SLC14A2: variants seen among roughly 807,000 people sequenced by gnomAD.
SLC14A2 encodes urea transporter 2.
A neutral mutation model predicts 104.6 loss-of-function variants in SLC14A2; 91 were observed. The ratio of observed to expected loss-of-function variants is 0.87; its 90% CI spans 0.73 to 1.04. SLC14A2 has a LOEUF of 1.04. Among genes scored for constraint, SLC14A2 ranks in the 50% least tolerant of loss-of-function variants. The pLI is 0.00. For synonymous variants in SLC14A2, 476 were observed against 466.4 expected (o/e 1.02, Z -0.27); for missense variants, 1,189 against 1,156.0 (o/e 1.03, Z -0.41).
In SLC14A2 at chr18:45,361,224, G is replaced by A. The variant is rs551487327; in HGVS notation, c.-124-122009G>A. Among the ~76,000 whole-genome samples, 21 of 152,246 alleles carry A rather than the reference G, an allele frequency of 1.4e-4. No homozygotes were observed. The South Asian group carries it at 1.9e-3, about 14-fold the overall frequency. On this transcript the variant is annotated intron_variant, in intron 1 of 20. Transcript: ENST00000586448. ...TGTGTGATTTTTATCCCTTATTTGC[G>A]TAATAAACCCTTAATAGAAGAGACT... is the stretch of plus-strand genomic sequence containing the variant.
chr18:45,653,502 G>T (rs949901424), intron 10 of SLC14A2, among the ~76,000 whole-genome samples: 4 of 152,092 alleles, frequency 2.6e-5, no homozygotes, highest in African/African-American at 9.7e-5. Context: ...AAAGCTTGGG[G>T]GTTGATGCAT....
At chr18:45,530,765 T>C (rs1297962500) in intron 2 of SLC14A2, among the ~76,000 whole-genome samples, 2 of 152,162 alleles carry the variant, frequency 1.3e-5, no homozygotes, top group Non-Finnish European at 1.5e-5. Context: ...TTGTTACATA[T>C]GTATACATGT....
At chr18:45,206,988 T>C in the SLC14A2 span, among the ~76,000 whole-genome samples, 2 of 152,216 alleles carry the variant, frequency 1.3e-5, no homozygotes, top group Non-Finnish European at 2.9e-5. Flanking sequence ...GGACATGGAA[T>C]GCCTGGGAAT....
chr18:45,645,991 G>A, intron 10 of SLC14A2, among the ~76,000 whole-genome samples: 1 of 152,156 alleles, frequency 6.6e-6, no homozygotes, highest in Non-Finnish European at 1.5e-5. Context: ...AAGACCCTCA[G>A]GAAATGGAGG....
chr18:45,479,855 A>C (rs796780364), intron 1 of SLC14A2, among the ~76,000 whole-genome samples: 6 of 152,256 alleles, frequency 3.9e-5, no homozygotes, highest in African/African-American at 1.4e-4. Flanking sequence ...AAAGGTCTGG[A>C]CTCTGTCCGG....
chr18:45,553,410 G>C (rs1009102901), intron 2 of SLC14A2, among the ~76,000 whole-genome samples: 1 of 152,154 alleles, frequency 6.6e-6, no homozygotes, highest in African/African-American at 2.4e-5. Context: ...GCTAGAAGGG[G>C]CTTAATCAGC....
chr18:45,212,899 T>A (rs2083973579), upstream of SLC14A2: 1 of 152,340 alleles, frequency 6.6e-6, no homozygotes, highest in Non-Finnish European at 1.5e-5. Flanking sequence ...ACGTATGCCA[T>A]AGATGTGTCC....
At chr18:45,588,083 T>C (rs2044594448) in intron 2 of SLC14A2, among the ~76,000 whole-genome samples, 1 of 152,056 alleles carries the variant, frequency 6.6e-6, no homozygotes, top group Admixed American at 6.6e-5. Context: ...GTGAGGATGA[T>C]CATGGAAAGA....
At chr18:45,454,613 C>T (rs2086911723) in intron 1 of SLC14A2, among the ~76,000 whole-genome samples, 1 of 152,126 alleles carries the variant, frequency 6.6e-6, no homozygotes, top group African/African-American at 2.4e-5. Context: ...CCTAGGTTTT[C>T]TTAGAGGATT....
At chr18:45,603,216 T>C (rs1407244836) in intron 2 of SLC14A2, among the ~76,000 whole-genome samples, 1 of 152,146 alleles carries the variant, frequency 6.6e-6, no homozygotes, top group Admixed American at 6.5e-5. Context: ...GGAATCCTGG[T>C]AAGTGTACAA....
chr18:45,221,237 G>T (rs68140471), intron 1 of SLC14A2, among the ~76,000 whole-genome samples: 1 of 152,104 alleles, frequency 6.6e-6, no homozygotes, highest in African/African-American at 2.4e-5. Context: ...TCTTCTAAAT[G>T]TTGTCTTTGC....
At chr18:45,507,927 A>G (rs1476522508) in intron 2 of SLC14A2, among the ~76,000 whole-genome samples, 1 of 152,220 alleles carries the variant, frequency 6.6e-6, no homozygotes, top group African/African-American at 2.4e-5. Context: ...AAACATGGCA[A>G]TCTGGGGCCA....
intron 3 of SLC14A2, among the ~76,000 whole-genome samples, chr18:45,626,309 CCTTTT>C (rs761905129): frequency 4.6e-5 from 7 of 152,120 alleles, no homozygotes; most frequent in African/African-American, 7.2e-5. Flanking sequence ...AGGATTCTTT[CCTTTT>C]AACTTCTCGA....
chr18:45,595,451 G>A (rs1235729439), intron 2 of SLC14A2, among the ~76,000 whole-genome samples: 1 of 151,746 alleles, frequency 6.6e-6, no homozygotes, highest in Non-Finnish European at 1.5e-5. Context: ...TAAAATATAG[G>A]CAATCTTACT....
At chr18:45,327,041 T>TCCAGCCAG (rs35693942) in intron 1 of SLC14A2, among the ~76,000 whole-genome samples, 1 of 151,962 alleles carries the variant, frequency 6.6e-6, no homozygotes, top group Non-Finnish European at 1.5e-5. Context: ...CATCCATCCA[T>TCCAGCCAG]CCAGCCAGCC....
At chr18:45,387,487 G>A (rs969639743) in intron 1 of SLC14A2, among the ~76,000 whole-genome samples, 2 of 152,184 alleles carry the variant, frequency 1.3e-5, no homozygotes, top group African/African-American at 4.8e-5. Flanking sequence ...CTCCCTAGCA[G>A]TGTGCTTCAT....
chr18:45,668,274 G>A (rs1029212450), intron 14 of SLC14A2, 75 bp from the exon 15 acceptor site: 2 of 1,575,580 alleles, frequency 1.3e-6, no homozygotes, highest in African/African-American at 2.7e-5. Flanking sequence ...CAGATAAAAA[G>A]AATCTGACTC....
intron 10 of SLC14A2, among the ~76,000 whole-genome samples, chr18:45,645,464 C>A (rs1014967661): frequency 6.6e-6 from 1 of 151,906 alleles, no homozygotes; most frequent in East Asian, 1.9e-4. Context: ...TTACTTCATT[C>A]TTCTATTTGC....
intron 4 of SLC14A2, among the ~76,000 whole-genome samples, chr18:45,629,953 T>G (rs2045319546): frequency 6.6e-6 from 1 of 152,214 alleles, no homozygotes; most frequent in Non-Finnish European, 1.5e-5. Flanking sequence ...GCTGTACCTC[T>G]GTCTATCTAA....
Sources: gnomAD v4.1 joint callset for allele counts (sites outside exome capture counted in the v4.1 genomes callset) on GRCh38, gnomAD v4.1.1 for gene constraint, MANE v1.5 for transcripts, NCBI Gene and HGNC (gene_info 2026-07-23, HGNC 2026-07-21) for gene names.